MAMLD1: variants seen among roughly 807,000 people sequenced by gnomAD.
MAMLD1 encodes mastermind like domain containing 1, also known as mastermind-like domain-containing protein 1.
MAMLD1 carries 14 observed loss-of-function variants against 45.0 expected under a neutral mutation model. The ratio of observed to expected loss-of-function variants is 0.31; its 90% CI spans 0.21 to 0.49. MAMLD1 has a LOEUF of 0.49. Among genes scored for constraint, MAMLD1 ranks in the 20% least tolerant of loss-of-function variants. The pLI is 0.99. For missense variants in MAMLD1, 543 were observed against 603.6 expected, an observed-to-expected ratio of 0.90 and a Z score of 1.05; for synonymous variants, 254 against 247.8, an observed-to-expected ratio of 1.02 and a Z score of -0.24.
intron 1 of MAMLD1, among the ~76,000 whole-genome samples, chrX:150,376,876 GAA>G (rs34242695): frequency 4.3e-4 from 40 of 93,226 alleles, no homozygotes; most frequent in East Asian, 1.3e-3. Context: ...TTTCATTATG[GAA>G]AAAAAAAAAA....
At chrX:150,494,117 C>T (rs941880611) in intron 5 of MAMLD1, among the ~76,000 whole-genome samples, 4 of 111,849 alleles carry the variant, frequency 3.6e-5, no homozygotes, top group Admixed American at 1.9e-4. Flanking sequence ...AAAAATGGGC[C>T]GGGCACGGTG....
intron 6 of MAMLD1, 30 bp downstream of exon 6, chrX:150,503,547 C>G: frequency 1.1e-6 from 1 of 897,752 alleles, no homozygotes; most frequent in Non-Finnish European, 1.6e-6. Flanking sequence ...GCCTCGCTTT[C>G]CTCATCTGTC....
rs151149606 is a variant in MAMLD1 at position 150,392,982 on chromosome X, C to T, written c.-64+29452C>T. ...ATTGTCACCCAAAGTCCATAGTCTA[C>T]GTTAGGGTTCACTTTTGATGCTGTA... On this transcript the variant is annotated intron_variant, in intron 1 of 7. Coordinates refer to ENST00000370401, the MANE Select transcript of MAMLD1 (RefSeq NM_005491.5). 4.5e-5 allele frequency among the ~76,000 whole-genome samples: 5 copies of T among 110,542 alleles called. No homozygotes were observed. In the East Asian group the frequency reaches 1.1e-3, roughly 25 times the overall value.
At chrX:150,370,696 C>G (rs185934782) in intron 1 of MAMLD1, among the ~76,000 whole-genome samples, 5 of 111,926 alleles carry the variant, frequency 4.5e-5, no homozygotes, top group East Asian at 2.8e-4. Flanking sequence ...CTCCACCCCC[C>G]CAGCTCTGGT....
rs781802555 is a variant in MAMLD1 at position 150,471,052 on chromosome X, ACAGCAG to A, written c.1500_1505del (p.Gln501_Gln502del). The A allele has an allele frequency of 4.1e-6, 5 of 1,207,856 alleles. No individual in the cohort carries two copies. The highest frequency in any genetic ancestry group is 5.6e-6 in the Non-Finnish European group (5 of 894,355). On this transcript the variant is annotated inframe_deletion, in exon 4 of 8. Coordinates refer to ENST00000370401, the MANE Select transcript of MAMLD1 (RefSeq NM_005491.5). Reference sequence around the variant, plus strand: ...CCACCAGTAATCTTCTAAGCCAGCAACAGCAGCAGCAGCAGCAGCAGCAGCAAGCAA... The same window carrying A: ...CCACCAGTAATCTTCTAAGCCAGCAACAGCAGCAGCAGCAGCAGCAAGCAA...
chrX:150,513,341 T>C lies in MAMLD1; in HGVS notation c.*1382T>C. 1 of 376,370 alleles carries C rather than the reference T, an allele frequency of 2.7e-6. No homozygotes were observed. The highest frequency in any genetic ancestry group is 4.6e-6 in the Non-Finnish European group (1 of 219,567). 31.0% of individuals were successfully genotyped at this position (376,370 alleles called of 1,213,427 possible). A position where few individuals can be genotyped will look rare whatever the true frequency, so the allele number is the denominator to read the frequency against. On this transcript the variant is annotated 3_prime_UTR_variant, in exon 8 of 8. Coordinates refer to ENST00000370401, the MANE Select transcript of MAMLD1 (RefSeq NM_005491.5). ...ACTTTGTAAATAAAGCGACGGCTTT[T>C]GTTTCAGTAGAGTTGTGTTTACTAT... is the stretch of plus-strand genomic sequence containing the variant.
chrX:150,478,909 G>A (rs911260272), intron 5 of MAMLD1, among the ~76,000 whole-genome samples: 3 of 112,191 alleles, frequency 2.7e-5, no homozygotes, highest in African/African-American at 9.7e-5. Flanking sequence ...ATTAGACACC[G>A]TGTAACATGC....
upstream of MAMLD1, chrX:150,362,688 C>A (rs782313830): frequency 8.9e-6 from 1 of 112,010 alleles, no homozygotes. Context: ...AGCTCGTTTT[C>A]CCCAGACGCG....
At chrX:150,371,734 G>C (rs1401010953) in intron 1 of MAMLD1, among the ~76,000 whole-genome samples, 1 of 112,023 alleles carries the variant, frequency 8.9e-6, no homozygotes, top group Non-Finnish European at 1.9e-5. Flanking sequence ...GCAGCGTGCT[G>C]TGACAGAGTG....
chrX:150,479,947 G>A (rs1173657710), intron 5 of MAMLD1, among the ~76,000 whole-genome samples: 1 of 111,414 alleles, frequency 9.0e-6, no homozygotes, highest in African/African-American at 3.3e-5. Flanking sequence ...GGTGCAGAGC[G>A]CCAAGGGGAA....
At chrX:150,374,743 T>C (rs1452747422) in intron 1 of MAMLD1, among the ~76,000 whole-genome samples, 1 of 111,709 alleles carries the variant, frequency 9.0e-6, no homozygotes, top group Non-Finnish European at 1.9e-5. Flanking sequence ...AGGATGTGTG[T>C]AGCCAGTCCA....
intron 1 of MAMLD1, among the ~76,000 whole-genome samples, chrX:150,404,160 A>G (rs1557402603): frequency 1.8e-5 from 2 of 110,757 alleles, no homozygotes; most frequent in African/African-American, 6.6e-5. Flanking sequence ...TTCACAGGAC[A>G]TCTTACTTCT....
At chrX:150,373,325 G>T (rs2032124323) in intron 1 of MAMLD1, among the ~76,000 whole-genome samples, 1 of 111,721 alleles carries the variant, frequency 9.0e-6, no homozygotes, top group Non-Finnish European at 1.9e-5. Flanking sequence ...CTCAGGCCCT[G>T]GTTGGGGAGA....
intron 2 of MAMLD1, among the ~76,000 whole-genome samples, chrX:150,451,280 C>T (rs956541423): frequency 4.4e-5 from 5 of 112,362 alleles, no homozygotes; most frequent in Non-Finnish European, 9.4e-5. Context: ...GTTTCCTTGA[C>T]ATAAGGCCCA....
intron 1 of MAMLD1, among the ~76,000 whole-genome samples, chrX:150,437,405 G>A (rs375941448): frequency 5.4e-5 from 6 of 111,822 alleles, no homozygotes; most frequent in African/African-American, 9.7e-5. Flanking sequence ...TAGAGCTTCC[G>A]GTATTATGTT....
At chrX:150,497,301 T>TTTTTTTTTTTTTC (rs1557408333) in intron 5 of MAMLD1, among the ~76,000 whole-genome samples, 1 of 99,436 alleles carries the variant, frequency 1.0e-5, no homozygotes, top group Non-Finnish European at 2.0e-5. Context: ...TTTTTTTTTT[T>TTTTTTTTTTTTTC]GAGATGGAGT....
intron 1 of MAMLD1, among the ~76,000 whole-genome samples, chrX:150,384,798 G>T (rs1269239537): frequency 9.0e-6 from 1 of 111,432 alleles, no homozygotes; most frequent in Non-Finnish European, 1.9e-5. Context: ...AAAATGTTTA[G>T]TTAATAAAAA....
Position 150,478,939 on chromosome X carries a change from C to A in MAMLD1, c.2040+5137C>A, listed in dbSNP as rs782307803. ...ACATGCATTTTGAAAATTCGGGGACCGATATCTCAGTGTTGAAAATGTTTT... is the reference window on the plus strand; with the variant it reads ...ACATGCATTTTGAAAATTCGGGGACAGATATCTCAGTGTTGAAAATGTTTT... On this transcript the variant is annotated intron_variant, in intron 5 of 7. Transcript: ENST00000370401. Among the ~76,000 whole-genome samples, 28 of 111,896 alleles carry A rather than the reference C, an allele frequency of 2.5e-4. No individual in the cohort carries two copies. In the South Asian group the frequency reaches 0.01, roughly 40 times the overall value.
At chrX:150,392,290 C>A (rs1166001047) in intron 1 of MAMLD1, among the ~76,000 whole-genome samples, 1 of 111,731 alleles carries the variant, frequency 9.0e-6, no homozygotes, top group Non-Finnish European at 1.9e-5. Flanking sequence ...TTTGCTGATA[C>A]CAGTGATTGG....
Sources: gnomAD v4.1 joint callset for allele counts (sites outside exome capture counted in the v4.1 genomes callset) on GRCh38, gnomAD v4.1.1 for gene constraint, MANE v1.5 for transcripts, NCBI Gene and HGNC (gene_info 2026-07-23, HGNC 2026-07-21) for gene names.